The following PALB2 variants were observed in gnomAD, a reference collection of about 807,000 sequenced individuals.
PALB2 encodes the protein mutant partner and localizer of BRCA2.
A neutral mutation model predicts 107.4 loss-of-function variants in PALB2; 82 were observed. That is an observed-to-expected ratio of 0.76 (90% CI 0.64 to 0.92). The LOEUF (loss-of-function observed/expected upper bound fraction) is 0.92, where lower values mean the gene tolerates loss of function less well. PALB2 is among the 40% of genes least tolerant of loss of function. PALB2 has a pLI of 0.00. For missense variants in PALB2, 1,374 were observed against 1,379.9 expected, an observed-to-expected ratio of 1.00 and a Z score of 0.07; for synonymous variants, 489 against 496.8, an observed-to-expected ratio of 0.98 and a Z score of 0.21.
chr16:23,626,278 A>C lies in PALB2; in HGVS notation c.2706T>G (p.Asp902Glu), dbSNP rs1555459944. ...TATAAAGTTTTTCCCACTGCCAAGC[A>C]TCCAGAGCTTTCCAAAGAGAAACTA... The part of the protein sequence containing the change: ...EDVVSLWKAL[D>E]AWQWEKLYTW... The change falls in exon 7 of 13, where the codon GAT becomes GAG. Residue 902 changes from aspartate (D) to glutamate (E), a missense_variant. Physicochemically the swap from Asp to Glu is conservative, Grantham distance 45 (BLOSUM62 2). Transcript: ENST00000261584. The C allele has an allele frequency of 1.2e-6, 2 of 1,614,204 alleles. No individual in the cohort carries two copies. The highest frequency in any genetic ancestry group is 1.7e-6 in the Non-Finnish European group (2 of 1,180,030).
At chr16:23,615,530 C>A (rs1164158476) in intron 10 of PALB2, among the ~76,000 whole-genome samples, 1 of 152,018 alleles carries the variant, frequency 6.6e-6, no homozygotes, top group African/African-American at 2.4e-5. Flanking sequence ...GTCTTGAACT[C>A]CTGGGCTCAA....
chr16:23,608,557 T>C (rs961982297), intron 11 of PALB2, among the ~76,000 whole-genome samples: 1 of 152,116 alleles, frequency 6.6e-6, no homozygotes, highest in African/African-American at 2.4e-5. Flanking sequence ...CATTTGTAAA[T>C]TGGTTTTTGA....
chr16:23,608,308 G>C (rs1046411952), intron 11 of PALB2, among the ~76,000 whole-genome samples: 11 of 151,864 alleles, frequency 7.2e-5, no homozygotes, highest in African/African-American at 2.7e-4. Flanking sequence ...TCCCACCTCA[G>C]CCTCCCAAAG....
rs2142419403 is a variant in PALB2 at position 23,635,225 on chromosome 16, T to TA, written c.1320dup (p.Lys441Ter). On this transcript the variant is annotated frameshift_variant, in exon 4 of 13. Transcript: ENST00000261584. LOFTEE classifies it high-confidence loss of function. The stretch of plus-strand genomic sequence containing the variant: ...TTACTTGCATCCTTATTTTTATTTT[T>TA]AAACCCTTTTTTCTTGACATCCAAA... 1 of 1,614,204 alleles carries TA rather than the reference T, an allele frequency of 6.2e-7. No homozygotes were observed. Among genetic ancestry groups the TA allele is most frequent in the Non-Finnish European group, 8.5e-7 (1 of 1,180,030 alleles).
chr16:23,626,483 T>A (rs2142357736), intron 6 of PALB2, 86 bp from the exon 7 acceptor site: 1 of 1,509,342 alleles, frequency 6.6e-7, no homozygotes, highest in Non-Finnish European at 9.2e-7. Flanking sequence ...TGAATTATAA[T>A]TCAATGAAAC....
intron 12 of PALB2, 111 bp downstream of exon 12, chr16:23,607,753 A>T: frequency 8.1e-7 from 1 of 1,231,058 alleles, no homozygotes; most frequent in Non-Finnish European, 1.2e-6. Flanking sequence ...CATGATATAT[A>T]GTATTTCATG....
intron 11 of PALB2, among the ~76,000 whole-genome samples, chr16:23,613,644 CAA>C (rs58876099): frequency 3.9e-5 from 5 of 129,768 alleles, no homozygotes; most frequent in African/African-American, 5.7e-5. Flanking sequence ...AACTCCATCC[CAA>C]AAAAAAAAAA....
At chr16:23,624,776 G>A (rs1966838035) in intron 7 of PALB2, among the ~76,000 whole-genome samples, 1 of 152,188 alleles carries the variant, frequency 6.6e-6, no homozygotes, top group Non-Finnish European at 1.5e-5. Flanking sequence ...CTCTCAAAGT[G>A]TTGGGATTAC....
At chr16:23,640,865 T>G in intron 1 of PALB2, 1 of 503,710 alleles carries the variant, frequency 2.0e-6, no homozygotes, top group Non-Finnish European at 3.6e-6. Context: ...GATACAGCTT[T>G]ATCTACAAAC....
chr16:23,627,205 CG>C (rs1438543606), intron 6 of PALB2, among the ~76,000 whole-genome samples: 3 of 151,944 alleles, frequency 2.0e-5, no homozygotes, highest in Admixed American at 6.6e-5. Flanking sequence ...ATCATAATCA[CG>C]GCCGGGCGCG....
chr16:23,605,379 A>C (rs1465693802), intron 12 of PALB2, among the ~76,000 whole-genome samples: 1 of 151,788 alleles, frequency 6.6e-6, no homozygotes, highest in Non-Finnish European at 1.5e-5. Flanking sequence ...TTTCCCTTCT[A>C]ATTTCCATAA....
intron 7 of PALB2, among the ~76,000 whole-genome samples, chr16:23,625,378 T>G (rs1162385474): frequency 1.3e-5 from 2 of 151,436 alleles, no homozygotes; most frequent in Non-Finnish European, 2.9e-5. Flanking sequence ...GATAAACCTG[T>G]GATGGGCTGG....
chr16:23,611,239 G>A (rs1966581999), intron 11 of PALB2, among the ~76,000 whole-genome samples: 1 of 152,052 alleles, frequency 6.6e-6, no homozygotes, highest in Non-Finnish European at 1.5e-5. Flanking sequence ...CCACCTCCAG[G>A]TTGAAGTGAT....
At chr16:23,640,628 T>TA (rs1967204438) in intron 1 of PALB2, 1 of 234,858 alleles carries the variant, frequency 4.3e-6, no homozygotes, top group African/African-American at 2.2e-5. Context: ...ACAGGAAAGC[T>TA]AAACGGAACC....
intron 12 of PALB2, 65 bp from the exon 13 acceptor site, chr16:23,603,734 A>G (rs1438662196): frequency 3.4e-6 from 5 of 1,462,832 alleles, no homozygotes. Context: ...AAAAAAAAAA[A>G]AGGTCAAAAC....
At chr16:23,625,099 G>A (rs112763476) in intron 7 of PALB2, among the ~76,000 whole-genome samples, 3,823 of 152,154 alleles carry the variant, frequency 0.025, 72 homozygotes, top group Middle Eastern at 0.088. Context: ...TTGGGAAGCC[G>A]AGGCGAGTGG....
At position 23,635,170 on chromosome 16, in the gene PALB2, T is replaced by C. The variant is rs1031787378; in HGVS notation, c.1376A>G (p.Asp459Gly). 2 of 1,614,218 alleles carry C rather than the reference T, an allele frequency of 1.2e-6. No homozygotes were observed. The highest frequency in any genetic ancestry group is 1.7e-6 in the Non-Finnish European group (2 of 1,180,038). ...KNLNLSNEETDQSEIRMSGTC... is the reference protein window; with the variant it reads ...KNLNLSNEETGQSEIRMSGTC... ...GCCAGACATCCTAATTTCACTTTGG[T>C]CAGTTTCCTCATTGGAAAGGTTTAA... The change falls in exon 4 of 13, where the codon GAC (aspartate) becomes GGC (glycine). Residue 459 changes from aspartate (D) to glycine (G), a missense_variant. Coordinates refer to ENST00000261584, the MANE Select transcript of PALB2 (RefSeq NM_024675.4).
At chr16:23,606,821 C>CTTTTTTTTTTTTT (rs545664784) in intron 12 of PALB2, among the ~76,000 whole-genome samples, 1 of 108,592 alleles carries the variant, frequency 9.2e-6, no homozygotes, top group Non-Finnish European at 1.8e-5. Flanking sequence ...CTGCACCCTG[C>CTTTTTTTTTTTTT]TTTTTTTTTT....
intron 6 of PALB2, among the ~76,000 whole-genome samples, chr16:23,627,303 A>G (rs190415): frequency 6.6e-6 from 1 of 151,540 alleles, no homozygotes; most frequent in Non-Finnish European, 1.5e-5. Flanking sequence ...CTGGCTAACA[A>G]GGTGAAACCC....
Sources: gnomAD v4.1 joint callset for allele counts (sites outside exome capture counted in the v4.1 genomes callset) on GRCh38, gnomAD v4.1.1 for gene constraint, MANE v1.5 for transcripts, NCBI Gene and HGNC (gene_info 2026-07-23, HGNC 2026-07-21) for gene names.